Variants in ADAM22 observed in about 807,000 individuals in gnomAD.
ADAM22 encodes the protein disintegrin and metalloproteinase domain-containing protein 22.
A neutral mutation model predicts 144.6 loss-of-function variants in ADAM22; 65 were observed. The ratio of observed to expected loss-of-function variants is 0.45; its 90% CI spans 0.37 to 0.55. The LOEUF is 0.55. Among genes scored for constraint, ADAM22 ranks in the 20% least tolerant of loss-of-function variants. The pLI is 0.00. For missense variants in ADAM22, 974 were observed against 1,184.9 expected (o/e 0.82, Z 2.61); for synonymous variants, 391 against 412.6 (o/e 0.95, Z 0.63).
chr7:87,966,739 T>TTG lies in ADAM22; in HGVS notation c.247-11596_247-11595insGT, dbSNP rs1562874465. On this transcript the variant is annotated intron_variant, in intron 2 of 31. Transcript: ENST00000413139. ...GAAAGCCGTTTTTTTTTTTTTTTTTTTTTTTTTTTTTTTGTGGCATGTGTA... is the reference window on the plus strand; with the variant it reads ...GAAAGCCGTTTTTTTTTTTTTTTTTTTGTTTTTTTTTTTTTGTGGCATGTGTA... Among the ~76,000 whole-genome samples the TTG allele has an allele frequency of 1.3e-4, 18 of 139,594 alleles. 1 individual carries two copies. The highest frequency in any genetic ancestry group is 4.9e-4 in the African/African-American group (18 of 36,948). 91.6% of individuals were successfully genotyped at this position (139,594 alleles called of 152,430 possible).
chr7:88,062,375 A>C (rs1251338491), intron 3 of ADAM22, among the ~76,000 whole-genome samples: 1 of 152,116 alleles, frequency 6.6e-6, no homozygotes, highest in Admixed American at 6.5e-5. Flanking sequence ...TTCCTTCTTT[A>C]AACCTCATCA....
intron 2 of ADAM22, among the ~76,000 whole-genome samples, chr7:87,960,294 T>G (rs1389506017): frequency 6.6e-6 from 1 of 152,192 alleles, no homozygotes; most frequent in Non-Finnish European, 1.5e-5. Flanking sequence ...AAGCATCATA[T>G]GTTCACTGAT....
At chr7:87,981,586 A>T (rs142927318) in intron 3 of ADAM22, among the ~76,000 whole-genome samples, 4 of 152,240 alleles carry the variant, frequency 2.6e-5, no homozygotes, top group African/African-American at 9.6e-5. Flanking sequence ...GCAGGGTTAG[A>T]CAAGGAACAC....
At chr7:88,007,933 A>C (rs1173780489) in intron 3 of ADAM22, among the ~76,000 whole-genome samples, 1 of 152,224 alleles carries the variant, frequency 6.6e-6, no homozygotes, top group Non-Finnish European at 1.5e-5. Flanking sequence ...TCTGCACAGC[A>C]AAAGAAACTA....
chr7:87,963,890 T>C (rs1010566472), intron 2 of ADAM22, among the ~76,000 whole-genome samples: 1 of 152,206 alleles, frequency 6.6e-6, no homozygotes, highest in Non-Finnish European at 1.5e-5. Context: ...TTCATGCCAG[T>C]GAAGAAAGAG....
intron 3 of ADAM22, among the ~76,000 whole-genome samples, chr7:87,982,805 C>T (rs1452761436): frequency 6.7e-6 from 1 of 149,610 alleles, no homozygotes; most frequent in East Asian, 2.0e-4. Flanking sequence ...AGTGATTCTC[C>T]TGCCTGAGCC....
At chr7:88,018,007 G>C (rs1796936959) in intron 3 of ADAM22, among the ~76,000 whole-genome samples, 1 of 152,056 alleles carries the variant, frequency 6.6e-6, no homozygotes, top group Non-Finnish European at 1.5e-5. Context: ...GTCCCATTGA[G>C]TTACTAGTTC....
intron 22 of ADAM22, among the ~76,000 whole-genome samples, chr7:88,160,407 A>G (rs779777524): frequency 3.3e-5 from 5 of 151,994 alleles, no homozygotes; most frequent in Admixed American, 6.6e-5. Context: ...AAGCTCTTAA[A>G]ATTCACAGGG....
chr7:88,148,981 A>G lies in ADAM22; in HGVS notation c.1490A>G (p.Gln497Arg), dbSNP rs1403023727. Reference sequence around the variant, plus strand: ...GTTGATTTTTGTTCATTTTAGTTTCAGCCTATGGGCACTGTGTGCCGAGAA... The same window carrying G: ...GTTGATTTTTGTTCATTTTAGTTTCGGCCTATGGGCACTGTGTGCCGAGAA... ...DGLCCKKCKF[Q>R]PMGTVCREAV... is the part of the protein sequence containing the mutation. The change falls in exon 18 of 32, where the codon CAG becomes CGG. Residue 497 changes from glutamine to arginine, a missense_variant. Gln to Arg is a conservative substitution (Grantham distance 43, BLOSUM62 1). Coordinates refer to ENST00000413139, the MANE Select transcript of ADAM22 (RefSeq NM_001324418.2). 1.2e-6 allele frequency: 2 copies of G among 1,610,114 alleles called. No homozygotes were observed. Among genetic ancestry groups the G allele is most frequent in the Admixed American group, 3.4e-5 (2 of 59,682 alleles).
At chr7:88,005,148 C>G (rs186729206) in intron 3 of ADAM22, among the ~76,000 whole-genome samples, 13 of 152,096 alleles carry the variant, frequency 8.5e-5, no homozygotes, top group African/African-American at 2.7e-4. Flanking sequence ...CACACACACA[C>G]AAACAAATAA....
intron 4 of ADAM22, among the ~76,000 whole-genome samples, chr7:88,082,381 A>T (rs983959470): frequency 6.6e-6 from 1 of 152,126 alleles, no homozygotes; most frequent in Non-Finnish European, 1.5e-5. Flanking sequence ...AACCATAAAA[A>T]CCCTAGAAGA....
At chr7:87,993,421 C>T (rs928058586) in intron 3 of ADAM22, among the ~76,000 whole-genome samples, 1 of 152,026 alleles carries the variant, frequency 6.6e-6, no homozygotes, top group Non-Finnish European at 1.5e-5. Flanking sequence ...GTAACTTATG[C>T]TGTAAATAGA....
chr7:87,946,067 G>A (rs1028488695), intron 2 of ADAM22, among the ~76,000 whole-genome samples: 2 of 151,752 alleles, frequency 1.3e-5, no homozygotes, highest in African/African-American at 4.8e-5. Flanking sequence ...TTTAATAATA[G>A]CCATTCTGAC....
At chr7:88,040,485 T>G (rs1431639361) in intron 3 of ADAM22, among the ~76,000 whole-genome samples, 1 of 152,086 alleles carries the variant, frequency 6.6e-6, no homozygotes, top group Admixed American at 6.5e-5. Context: ...TCAGGTCTTC[T>G]AGATTTTCAC....
chr7:88,152,956 G>A (rs1247332887), intron 20 of ADAM22, among the ~76,000 whole-genome samples: 3 of 152,034 alleles, frequency 2.0e-5, no homozygotes, highest in Non-Finnish European at 4.4e-5. Context: ...AGGAGTGTTT[G>A]TTTTTGTAGC....
At chr7:88,104,798 A>ATT (rs143900149) in intron 4 of ADAM22, among the ~76,000 whole-genome samples, 8 of 150,346 alleles carry the variant, frequency 5.3e-5, no homozygotes, top group South Asian at 2.1e-4. Context: ...GCAAATTGAG[A>ATT]TTTTTTTTTT....
At chr7:87,937,008 T>G (rs1841392435) in intron 2 of ADAM22, among the ~76,000 whole-genome samples, 1 of 152,078 alleles carries the variant, frequency 6.6e-6, no homozygotes, top group Non-Finnish European at 1.5e-5. Flanking sequence ...CAGACAGGAG[T>G]GCAGTAGCAC....
chr7:88,165,271 T>C (rs1026653444), intron 23 of ADAM22, among the ~76,000 whole-genome samples: 4 of 152,090 alleles, frequency 2.6e-5, no homozygotes, highest in African/African-American at 9.7e-5. Flanking sequence ...ACTCAATTCG[T>C]GGGAGTTCTT....
chr7:88,084,368 C>G (rs1476460865), intron 4 of ADAM22, among the ~76,000 whole-genome samples: 2 of 152,164 alleles, frequency 1.3e-5, no homozygotes, highest in East Asian at 3.9e-4. Flanking sequence ...ATGATAAATA[C>G]AAACTTTGTC....
Sources: allele counts gnomAD v4.1 joint callset (sites outside exome capture counted in the v4.1 genomes callset), GRCh38; gene constraint gnomAD v4.1.1; transcripts MANE v1.5; gene names NCBI Gene and HGNC (gene_info 2026-07-23, HGNC 2026-07-21).